Variants in FERMT3 observed in about 807,000 individuals in gnomAD.
FERMT3 encodes fermitin family homolog 3.
Under a neutral mutation model 80.8 loss-of-function variants are expected in FERMT3, and 33 were observed. The ratio of observed to expected loss-of-function variants is 0.41; its 90% CI spans 0.31 to 0.55. The LOEUF (loss-of-function observed/expected upper bound fraction) is 0.55. FERMT3 is among the 20% of genes least tolerant of loss of function. FERMT3 has a pLI of 0.31. For synonymous variants in FERMT3, 375 were observed against 372.2 expected, an observed-to-expected ratio of 1.01 and a Z score of -0.09; for missense variants, 754 against 908.7, an observed-to-expected ratio of 0.83 and a Z score of 2.19.
At chr11:64,216,742 G>A (rs1175318151) in intron 6 of FERMT3, among the ~76,000 whole-genome samples, 15 of 144,330 alleles carry the variant, frequency 1.0e-4, no homozygotes, top group Non-Finnish European at 3.0e-5. Context: ...CTTGCAGTGA[G>A]CCGAGATCAC....
At chr11:64,222,187 C>T (rs1457657832) in intron 13 of FERMT3, among the ~76,000 whole-genome samples, 2 of 149,670 alleles carry the variant, frequency 1.3e-5, no homozygotes, top group African/African-American at 4.9e-5. Flanking sequence ...TGCAGTGAGC[C>T]GAGATTGTGC....
At chr11:64,220,759 C>A in intron 12 of FERMT3, 90 bp downstream of exon 12, 1 of 1,347,396 alleles carries the variant, frequency 7.4e-7, no homozygotes, top group African/African-American at 1.4e-5. Flanking sequence ...CTCAGGAAAG[C>A]TACGTACTCA....
chr11:64,223,704 C>A lies in FERMT3; in HGVS notation c.*212C>A. The stretch of plus-strand genomic sequence containing the variant: ...AGGGATGGGGGTGGGGGTCCCTGAG[C>A]TCATGTGGTGCCCCCTTTCCTTGTC... On this transcript the variant is annotated 3_prime_UTR_variant, in exon 15 of 15. Transcript: ENST00000345728. 1.3e-6 allele frequency: 1 copy of A among 759,754 alleles called. No individual in the cohort carries two copies. Among genetic ancestry groups the A allele is most frequent in the Non-Finnish European group, 2.1e-6 (1 of 471,654 alleles). The allele number at this position is 759,754 out of a possible 1,614,324, so 47.1% of individuals were successfully genotyped here.
chr11:64,207,345 CTG>C lies in FERMT3; in HGVS notation c.-14-4_-14-3del. ...CCCACCTTGCCTCCTTCCACACTCTCTGTAGCAGCAGCCGCAGCCATGGCGGG... is the reference window on the plus strand; with the variant it reads ...CCCACCTTGCCTCCTTCCACACTCTCTAGCAGCAGCCGCAGCCATGGCGGG... On this transcript the variant is annotated splice_polypyrimidine_tract_variant and splice_region_variant and intron_variant, in intron 1 of 14. Coordinates refer to ENST00000345728, the MANE Select transcript of FERMT3 (RefSeq NM_031471.6). 6.2e-7 allele frequency: 1 copy of C among 1,614,082 alleles called. No homozygotes were observed. Among genetic ancestry groups the C allele is most frequent in the Non-Finnish European group, 8.5e-7 (1 of 1,179,992 alleles).
chr11:64,221,156 C>T lies in FERMT3; in HGVS notation c.1670+16C>T. On this transcript the variant is annotated intron_variant, in intron 13 of 14. Coordinates refer to ENST00000345728, the MANE Select transcript of FERMT3 (RefSeq NM_031471.6). ...TCATGGTCAGGTATGGCCCCTGGCC[C>T]AGCCCCCTGCCCAGCACCGTCTCTG... is the stretch of plus-strand genomic sequence containing the variant. 6.2e-7 allele frequency: 1 copy of T among 1,605,088 alleles called. No homozygotes were observed. Among genetic ancestry groups the T allele is most frequent in the Non-Finnish European group, 8.5e-7 (1 of 1,179,108 alleles).
rs1946662088 is a variant in FERMT3 at position 64,220,685 on chromosome 11, A to G, written c.1545+16A>G. The G allele has an allele frequency of 1.2e-6, 2 of 1,600,132 alleles. No homozygotes were observed. The highest frequency in any genetic ancestry group is 4.5e-5 in the East Asian group (2 of 44,458). ...GGCCAAGCAGGTACCAGAAGGCGTC[A>G]GGGTGGGAATGAGCATAGTGTTTAC... On this transcript the variant is annotated intron_variant, in intron 12 of 14. Coordinates refer to ENST00000345728, the MANE Select transcript of FERMT3 (RefSeq NM_031471.6).
At chr11:64,209,025 T>C (rs1299591973) in intron 2 of FERMT3, among the ~76,000 whole-genome samples, 1 of 151,574 alleles carries the variant, frequency 6.6e-6, no homozygotes, top group Non-Finnish European at 1.5e-5. Flanking sequence ...GCAGGGAGGA[T>C]GGAGAGGAGG....
At position 64,219,531 on chromosome 11, in the gene FERMT3, TCAA is replaced by T; in HGVS notation, c.906_908del (p.Asn302del). 1 of 1,606,480 alleles carries T rather than the reference TCAA, an allele frequency of 6.2e-7. No individual in the cohort carries two copies. The highest frequency in any genetic ancestry group is 8.5e-7 in the Non-Finnish European group (1 of 1,177,438). On this transcript the variant is annotated inframe_deletion, in exon 8 of 15. Transcript: ENST00000345728. This position sits in a 1 kb window ranked among gnomAD's most constrained non-coding sequence, Gnocchi z 4.0. Reference sequence around the variant, plus strand: ...GGCTTCATGACCACCTAGTACCACATCAACAAGCTGTCCCAGAGCGGGGAGGTG... The same window carrying T: ...GGCTTCATGACCACCTAGTACCACATCAAGCTGTCCCAGAGCGGGGAGGTG...
Position 64,223,732 on chromosome 11 carries a change from AG to A in FERMT3, c.*241del. On this transcript the variant is annotated 3_prime_UTR_variant, in exon 15 of 15. Coordinates refer to ENST00000345728, the MANE Select transcript of FERMT3 (RefSeq NM_031471.6). ...ATGTGGTGCCCCCTTTCCTTGTCTGAGTGGCTGAGGCTGATACCCCTGACCT... is the reference window on the plus strand; with the variant it reads ...ATGTGGTGCCCCCTTTCCTTGTCTGATGGCTGAGGCTGATACCCCTGACCT... The A allele has an allele frequency of 2.6e-6, 2 of 757,030 alleles. No homozygotes were observed. The highest frequency in any genetic ancestry group is 4.2e-6 in the Non-Finnish European group (2 of 470,986). 46.9% of individuals were successfully genotyped at this position (757,030 alleles called of 1,614,324 possible). A position where few individuals can be genotyped will look rare whatever the true frequency, so the allele number is the denominator to read the frequency against.
At chr11:64,220,991 G>A (rs1007895406) in intron 12 of FERMT3, 25 bp from the exon 13 acceptor site, 5 of 1,607,696 alleles carry the variant, frequency 3.1e-6, no homozygotes, top group Non-Finnish European at 4.2e-6. Flanking sequence ...GTGCCTGGCA[G>A]CCCGTCACCA....
intron 2 of FERMT3, 60 bp downstream of exon 2, chr11:64,207,584 C>A: frequency 1.3e-6 from 2 of 1,558,902 alleles, no homozygotes; most frequent in Non-Finnish European, 1.7e-6. Context: ...ACGGGTGTCT[C>A]TGGGCACTTC....
intron 6 of FERMT3, among the ~76,000 whole-genome samples, chr11:64,215,605 G>T (rs967179344): frequency 6.6e-6 from 1 of 151,882 alleles, no homozygotes; most frequent in Non-Finnish European, 1.5e-5. Flanking sequence ...ATGGGGTCTC[G>T]CTCTGTCACC....
intron 2 of FERMT3, chr11:64,207,887 T>G: frequency 5.1e-6 from 1 of 197,172 alleles, no homozygotes; most frequent in Non-Finnish European, 1.1e-5. Context: ...CTCCCTCCCC[T>G]TGGCGGAAGC....
intron 2 of FERMT3, among the ~76,000 whole-genome samples, chr11:64,208,735 G>C (rs1946372197): frequency 6.6e-6 from 1 of 152,214 alleles, no homozygotes; most frequent in Admixed American, 6.5e-5. Flanking sequence ...GCAAGGTGGT[G>C]GCGCTGGGAC....
At chr11:64,216,608 A>C (rs1946556341) in intron 6 of FERMT3, among the ~76,000 whole-genome samples, 1 of 150,072 alleles carries the variant, frequency 6.7e-6, no homozygotes, top group South Asian at 2.1e-4. Context: ...CATCCTGGCT[A>C]ACACGGTGAA....
chr11:64,219,756 T>C lies in FERMT3; in HGVS notation c.1046T>C (p.Ile349Thr). The C allele has an allele frequency of 6.2e-7, 1 of 1,613,706 alleles. No individual in the cohort carries two copies. Among genetic ancestry groups the C allele is most frequent in the Non-Finnish European group, 8.5e-7 (1 of 1,179,922 alleles). ...CTCCCATAGGACAGCCTCACCACCATCCCAGAGCTCAAGGACCATCTCCGA... is the reference window on the plus strand; with the variant it reads ...CTCCCATAGGACAGCCTCACCACCACCCCAGAGCTCAAGGACCATCTCCGA... ...PTDVLDSLTT[I>T]PELKDHLRIF... Residue 349 changes from isoleucine (I) to threonine (T), a missense_variant, in exon 9 of 15, where the codon ATC (isoleucine) becomes ACC (threonine). Coordinates refer to ENST00000345728, the MANE Select transcript of FERMT3 (RefSeq NM_031471.6). The surrounding 1 kb of genome is among the most constrained non-coding windows in gnomAD (Gnocchi z 4.0).
intron 6 of FERMT3, among the ~76,000 whole-genome samples, chr11:64,217,084 G>A (rs1267643340): frequency 1.3e-5 from 2 of 152,154 alleles, no homozygotes; most frequent in Non-Finnish European, 2.9e-5. Context: ...GCCCCCTGGA[G>A]GCGATGGGGC....
intron 2 of FERMT3, among the ~76,000 whole-genome samples, chr11:64,209,265 C>T (rs1946385733): frequency 6.6e-6 from 1 of 152,198 alleles, no homozygotes; most frequent in South Asian, 2.1e-4. Flanking sequence ...CCAGTGTCAG[C>T]CACTCGGCCA....
In FERMT3 at chr11:64,207,499, G is replaced by A. The variant is rs1946338386; in HGVS notation, c.135G>A (p.Val45=). 2.5e-6 allele frequency: 4 copies of A among 1,612,952 alleles called. No homozygotes were observed. Among genetic ancestry groups the A allele is most frequent in the Non-Finnish European group, 3.4e-6 (4 of 1,179,358 alleles). The part of the protein sequence containing the change: ...RVTGESHIGG[V]LLKIVEQINR... ...CTGGGGAGTCGCACATCGGCGGGGTGCTCCTGAAGATTGTGGAGCAGATCA... is the reference window on the plus strand; with the variant it reads ...CTGGGGAGTCGCACATCGGCGGGGTACTCCTGAAGATTGTGGAGCAGATCA... Residue 45 remains valine (V), a synonymous_variant, in exon 2 of 15, where the codon GTG becomes GTA. Coordinates refer to ENST00000345728, the MANE Select transcript of FERMT3 (RefSeq NM_031471.6).
Sources: allele counts gnomAD v4.1 joint callset (sites outside exome capture counted in the v4.1 genomes callset), GRCh38; gene constraint gnomAD v4.1.1; non-coding constraint Gnocchi (gnomAD v3.1); transcripts MANE v1.5; gene names NCBI Gene and HGNC (gene_info 2026-07-23, HGNC 2026-07-21).